The following HECW1 variants were observed in gnomAD, a reference collection of about 807,000 sequenced individuals.
HECW1 encodes the protein E3 ubiquitin-protein ligase HECW1.
HECW1 carries 61 observed loss-of-function variants against 182.3 expected under a neutral mutation model. The observed-to-expected ratio is 0.33, with a 90% CI of 0.27 to 0.41. The LOEUF is 0.41. HECW1 is among the 10% of genes least tolerant of loss of function. The probability of loss-of-function intolerance (pLI) is 1.00; values close to 1 mark genes in which losing one functional copy is unlikely to be tolerated. For missense variants in HECW1, 1,739 were observed against 2,108.9 expected, an observed-to-expected ratio of 0.82 and a Z score of 3.44; for synonymous variants, 859 against 832.6, an observed-to-expected ratio of 1.03 and a Z score of -0.55.
chr7:43,232,627 G>A lies in HECW1; in HGVS notation c.-31-11248G>A, dbSNP rs117090826. Among the ~76,000 whole-genome samples the A allele has an allele frequency of 2.4e-4, 36 of 152,246 alleles. No individual in the cohort carries two copies. The East Asian group carries it at 3.7e-3, about 16-fold the overall frequency. ...CTAGAACTGAACATGATGTTCTTGC[G>A]GGAAAAGGGGCAGTAGCAAGAGGGA... is the stretch of plus-strand genomic sequence containing the variant. On this transcript the variant is annotated intron_variant, in intron 2 of 29. Transcript: ENST00000395891.
chr7:43,337,179 C>T (rs916341446), intron 5 of HECW1, among the ~76,000 whole-genome samples: 1 of 152,166 alleles, frequency 6.6e-6, no homozygotes, highest in Non-Finnish European at 1.5e-5. Flanking sequence ...GAGTGTCCCC[C>T]TTTCTCTGCA....
chr7:43,457,465 A>C (rs1018881101), intron 13 of HECW1, among the ~76,000 whole-genome samples: 15 of 152,190 alleles, frequency 9.9e-5, no homozygotes, highest in Non-Finnish European at 1.6e-4. Flanking sequence ...GAGGAGAAAC[A>C]ATTTAGTCCT....
chr7:43,441,965 C>A, intron 9 of HECW1, among the ~76,000 whole-genome samples: 1 of 152,194 alleles, frequency 6.6e-6, no homozygotes, highest in East Asian at 1.9e-4. Context: ...ACAATGAATT[C>A]AGCAGAAACC....
At chr7:43,373,957 C>T (rs1266339259) in intron 6 of HECW1, among the ~76,000 whole-genome samples, 3 of 152,174 alleles carry the variant, frequency 2.0e-5, no homozygotes, top group East Asian at 3.8e-4. Flanking sequence ...CATGTTGCCG[C>T]GTGTGCCAGA....
In HECW1 at chr7:43,501,208, T is replaced by C; in HGVS notation, c.3522-5T>C. On this transcript the variant is annotated splice_region_variant and splice_polypyrimidine_tract_variant and intron_variant, in intron 20 of 29. Coordinates refer to ENST00000395891, the MANE Select transcript of HECW1 (RefSeq NM_015052.5). ...CTTTTTTTTTTTTTTTTTTTTCATA[T>C]GCAGTCTCTTTGAAGAAGAGATTAT... 2.0e-6 allele frequency: 2 copies of C among 1,020,592 alleles called. No homozygotes were observed. The highest frequency in any genetic ancestry group is 3.0e-6 in the Non-Finnish European group (2 of 671,852). 63.2% of individuals were successfully genotyped at this position (1,020,592 alleles called of 1,614,324 possible).
intron 6 of HECW1, among the ~76,000 whole-genome samples, chr7:43,366,215 C>T (rs1345017748): frequency 6.6e-6 from 1 of 152,002 alleles, no homozygotes; most frequent in African/African-American, 2.4e-5. Context: ...ACACTATTCT[C>T]TTAAAAAAAA....
At chr7:43,281,686 T>C (rs1017920955) in intron 3 of HECW1, among the ~76,000 whole-genome samples, 1 of 151,882 alleles carries the variant, frequency 6.6e-6, no homozygotes, top group Non-Finnish European at 1.5e-5. Context: ...TCCTCCTCTT[T>C]CTTTTTCTGT....
At chr7:43,145,441 ATG>A (rs1204128584) in intron 2 of HECW1, among the ~76,000 whole-genome samples, 6 of 152,116 alleles carry the variant, frequency 3.9e-5, no homozygotes, top group Admixed American at 3.9e-4. Flanking sequence ...GACCACAGAT[ATG>A]TGCCACCACG....
intron 3 of HECW1, among the ~76,000 whole-genome samples, chr7:43,269,973 T>G (rs1009601877): frequency 6.6e-6 from 1 of 152,224 alleles, no homozygotes; most frequent in Admixed American, 6.5e-5. Context: ...GTGCTTTAAC[T>G]TAATATTTCT....
intron 7 of HECW1, among the ~76,000 whole-genome samples, chr7:43,407,100 A>G (rs2075636302): frequency 6.6e-6 from 1 of 152,142 alleles, no homozygotes; most frequent in South Asian, 2.1e-4. Context: ...TCGATTTTCA[A>G]AGCCCTGCCC....
intron 3 of HECW1, among the ~76,000 whole-genome samples, chr7:43,253,569 T>G (rs1800255689): frequency 6.6e-6 from 1 of 152,236 alleles, no homozygotes; most frequent in Non-Finnish European, 1.5e-5. Flanking sequence ...TTAATAACTC[T>G]GACTTAGTTT....
intron 24 of HECW1, among the ~76,000 whole-genome samples, chr7:43,536,219 A>T (rs2081173245): frequency 6.6e-6 from 1 of 152,242 alleles, no homozygotes; most frequent in Non-Finnish European, 1.5e-5. Flanking sequence ...AATGGGTGGA[A>T]ACACATCTCT....
intron 24 of HECW1, among the ~76,000 whole-genome samples, chr7:43,535,424 T>C (rs957802497): frequency 1.1e-4 from 17 of 152,154 alleles, no homozygotes; most frequent in African/African-American, 4.1e-4. Context: ...TTCTTCAGCG[T>C]AGGTCAAGTT....
chr7:43,332,470 G>A (rs1811618934), intron 5 of HECW1, among the ~76,000 whole-genome samples: 1 of 152,188 alleles, frequency 6.6e-6, no homozygotes, highest in South Asian at 2.1e-4. Flanking sequence ...TGTGTGGCGA[G>A]AGGCCAAATT....
At chr7:43,133,656 T>C (rs1309935047) in intron 2 of HECW1, among the ~76,000 whole-genome samples, 6 of 152,032 alleles carry the variant, frequency 3.9e-5, no homozygotes, top group Admixed American at 2.0e-4. Flanking sequence ...TCCCTTACTC[T>C]CTCCCTCTCT....
At position 43,320,627 on chromosome 7, in the gene HECW1, G is replaced by T. The variant is rs761692824; in HGVS notation, c.353-8G>T. On this transcript the variant is annotated splice_polypyrimidine_tract_variant and splice_region_variant and intron_variant, in intron 4 of 29. Coordinates refer to ENST00000395891, the MANE Select transcript of HECW1 (RefSeq NM_015052.5). ...TCTCTGCTCTGCTTTCTTCCTCTGG[G>T]AATATAGATGAGGTCTTGTCCGAAA... 7 of 1,589,080 alleles carry T rather than the reference G, an allele frequency of 4.4e-6. No homozygotes were observed. Among genetic ancestry groups the T allele is most frequent in the Non-Finnish European group, 5.2e-6 (6 of 1,157,092 alleles).
intron 2 of HECW1, among the ~76,000 whole-genome samples, chr7:43,165,502 G>A (rs1311648913): frequency 2.6e-5 from 4 of 152,060 alleles, no homozygotes; most frequent in East Asian, 1.9e-4. Flanking sequence ...TCAATTATCC[G>A]TGAAGGTGTA....
At chr7:43,221,252 A>G (rs1796917037) in intron 2 of HECW1, among the ~76,000 whole-genome samples, 1 of 152,092 alleles carries the variant, frequency 6.6e-6, no homozygotes, top group Admixed American at 6.5e-5. Context: ...CATACACTAG[A>G]AGAATGTGAT....
chr7:43,386,683 G>C (rs954267705), intron 6 of HECW1, among the ~76,000 whole-genome samples: 1 of 152,088 alleles, frequency 6.6e-6, no homozygotes, highest in African/African-American at 2.4e-5. Flanking sequence ...AGCTTCAGCT[G>C]TGTCACCTAT....
Sources: gnomAD v4.1 joint callset for allele counts (sites outside exome capture counted in the v4.1 genomes callset) on GRCh38, gnomAD v4.1.1 for gene constraint, MANE v1.5 for transcripts, NCBI Gene and HGNC (gene_info 2026-07-23, HGNC 2026-07-21) for gene names.